The following NTRK1 variants were observed in gnomAD, a reference collection of about 807,000 sequenced individuals.
NTRK1 encodes the protein high affinity nerve growth factor receptor.
NTRK1 carries 62 observed loss-of-function variants against 86.8 expected under a neutral mutation model. That is an observed-to-expected ratio of 0.71 (90% CI 0.58 to 0.88). The LOEUF is 0.88. Among genes scored for constraint, NTRK1 ranks in the 40% least tolerant of loss-of-function variants. NTRK1 has a pLI of 0.00. For synonymous variants in NTRK1, 469 were observed against 456.6 expected (o/e 1.03, Z -0.35); for missense variants, 967 against 1,078.4 (o/e 0.90, Z 1.45).
At chr1:156,880,422 A>C in intron 16 of NTRK1, 1 of 545,520 alleles carries the variant, frequency 1.8e-6, no homozygotes, top group Non-Finnish European at 3.3e-6. Flanking sequence ...AGGAGCCCAG[A>C]CCCCCATCCC....
At chr1:156,832,303 G>A (rs1462561683) in intron 1 of NTRK1, among the ~76,000 whole-genome samples, 1 of 152,032 alleles carries the variant, frequency 6.6e-6, no homozygotes, top group African/African-American at 2.4e-5. Context: ...TGGTTTCAAG[G>A]GATACAAAGA....
At chr1:156,839,449 C>A (rs926409387) in intron 1 of NTRK1, among the ~76,000 whole-genome samples, 25 of 152,258 alleles carry the variant, frequency 1.6e-4, no homozygotes, top group African/African-American at 6.0e-4. Flanking sequence ...CAACCCTTCC[C>A]TTTCAAATGC....
In NTRK1 at chr1:156,861,022, T is replaced by C. The variant is rs1350547406; in HGVS notation, c.88T>C (p.Ser30Pro). The part of the protein sequence containing the change: ...GSLLAWLILA[S>P]AGAAPCPDAC... ...CCTGCTGGCTTGGCTGATACTGGCA[T>C]CTGCGGGCGCCGCACCCTGCCCCGA... is the stretch of plus-strand genomic sequence containing the variant. Residue 30 changes from serine to proline, a missense_variant, in exon 1 of 17, where the codon TCT becomes CCT. Physicochemically the swap from Ser to Pro is moderately conservative, Grantham distance 74. Transcript: ENST00000524377. The C allele has an allele frequency of 2.9e-5, 44 of 1,541,634 alleles. No homozygotes were observed. Among genetic ancestry groups the C allele is most frequent in the Non-Finnish European group, 3.7e-5 (43 of 1,149,282 alleles).
At chr1:156,848,854 C>T (rs1655098809) in intron 2 of NTRK1, 2 of 1,520,428 alleles carry the variant, frequency 1.3e-6, no homozygotes, top group Non-Finnish European at 1.8e-6. Context: ...CCTCACCTGC[C>T]TGTGGTCCCG....
At chr1:156,858,738 G>A, upstream of NTRK1, 1 of 800,554 alleles carries the variant, frequency 1.2e-6, no homozygotes, top group Non-Finnish European at 2.2e-6. Flanking sequence ...AGGGAGGGCA[G>A]GGGCAGAGAG....
chr1:156,846,016 G>T (rs1654994546), intron 2 of NTRK1: 2 of 1,614,136 alleles, frequency 1.2e-6, no homozygotes, highest in Non-Finnish European at 1.7e-6. Flanking sequence ...ACAGCACCAG[G>T]TAGTAGGTGA....
intron 2 of NTRK1, 72 bp from the exon 3 acceptor site, chr1:156,864,656 G>A: frequency 1.3e-6 from 2 of 1,528,540 alleles, no homozygotes; most frequent in Non-Finnish European, 1.8e-6. Context: ...TGGGAGGCTG[G>A]GATGGGCAGG....
At chr1:156,834,460 C>T (rs758413633) in intron 1 of NTRK1, among the ~76,000 whole-genome samples, 1 of 152,116 alleles carries the variant, frequency 6.6e-6, no homozygotes, top group Non-Finnish European at 1.5e-5. Flanking sequence ...TAGACAGAGA[C>T]CGAAGGCCAA....
intron 4 of NTRK1, among the ~76,000 whole-genome samples, chr1:156,867,270 G>A (rs2102890421): frequency 6.6e-6 from 1 of 152,322 alleles, no homozygotes; most frequent in African/African-American, 2.4e-5. Flanking sequence ...CATTCCCAGG[G>A]CACCCTGCAC....
intron 2 of NTRK1, chr1:156,843,431 A>G (rs750999073): frequency 3.3e-5 from 54 of 1,613,990 alleles, no homozygotes; most frequent in Non-Finnish European, 8.5e-6. Flanking sequence ...ACCTACTATC[A>G]GAGGCGCTGA....
rs1647926696 is a variant in NTRK1, at chr1:156,876,520, C to G, written c.1753C>G (p.Leu585Val). The G allele has an allele frequency of 6.2e-7, 1 of 1,613,590 alleles. No homozygotes were observed. Among genetic ancestry groups the G allele is most frequent in the Non-Finnish European group, 8.5e-7 (1 of 1,180,008 alleles). Residue 585 changes from leucine (L) to valine (V), a missense_variant, in exon 14 of 17, where the codon CTG (leucine) becomes GTG (valine). Leu to Val is a conservative substitution (Grantham distance 32). This residue lies in a region of NTRK1 where 637 missense variants were observed against 776.5 expected (regional missense o/e 0.82). Coordinates refer to ENST00000524377, the MANE Select transcript of NTRK1 (RefSeq NM_002529.4). ...FFGVCTEGRP[L>V]LMVFEYMRHG... ...CGGCGTCTGCACCGAGGGCCGCCCC[C>G]TGCTCATGGTCTTTGAGTATATGCG...
At chr1:156,861,637 T>C (rs909503060) in intron 1 of NTRK1, among the ~76,000 whole-genome samples, 6 of 152,192 alleles carry the variant, frequency 3.9e-5, no homozygotes, top group East Asian at 1.9e-4. Flanking sequence ...CTGGCTGGCA[T>C]TGGTGGGAGG....
chr1:156,880,295 A>G (rs1386376747), intron 16 of NTRK1, 138 bp downstream of exon 16: 3 of 849,630 alleles, frequency 3.5e-6, no homozygotes, highest in Admixed American at 2.1e-5. Flanking sequence ...CCGTGCCCAC[A>G]CTGTGTCCCC....
chr1:156,874,512 G>C (rs1390973751), intron 9 of NTRK1, 59 bp from the exon 10 acceptor site: 5 of 1,610,448 alleles, frequency 3.1e-6, no homozygotes, highest in African/African-American at 1.3e-5. Context: ...AGGGTTGGGG[G>C]GTTACTGGAG....
intron 1 of NTRK1, among the ~76,000 whole-genome samples, chr1:156,827,733 G>T (rs1424200340): frequency 1.3e-5 from 2 of 152,046 alleles, no homozygotes; most frequent in Non-Finnish European, 1.5e-5. Flanking sequence ...TGAAAAATTA[G>T]GTAACAAAAG....
chr1:156,817,270 A>G (rs1654026963), intron 1 of NTRK1, among the ~76,000 whole-genome samples: 1 of 151,912 alleles, frequency 6.6e-6, no homozygotes, highest in African/African-American at 2.4e-5. Context: ...GACTTCTGGA[A>G]GGACTTTTTG....
intron 7 of NTRK1, among the ~76,000 whole-genome samples, chr1:156,873,352 A>G (rs1389994044): frequency 1.3e-5 from 2 of 152,010 alleles, no homozygotes. Context: ...ATAAGCTGAT[A>G]CCCCACTCCT....
chr1:156,864,555 G>C, intron 2 of NTRK1, 127 bp downstream of exon 2: 1 of 1,170,000 alleles, frequency 8.5e-7, no homozygotes, highest in Admixed American at 2.0e-5. Context: ...GGGACTGGGA[G>C]AAGTCAGGAA....
At chr1:156,874,670 G>A (rs2102910571) in intron 10 of NTRK1, 44 bp downstream of exon 10, 1 of 1,585,392 alleles carries the variant, frequency 6.3e-7, no homozygotes, top group Non-Finnish European at 8.6e-7. Flanking sequence ...GGGACCGGGA[G>A]GCTGGGTAGA....
Sources: gnomAD v4.1 joint callset for allele counts (sites outside exome capture counted in the v4.1 genomes callset) on GRCh38, gnomAD v4.1.1 for gene constraint, gnomAD v4.1.1 regional missense constraint, MANE v1.5 for transcripts, NCBI Gene and HGNC (gene_info 2026-07-23, HGNC 2026-07-21) for gene names.